The following ERC2 variants were observed in gnomAD, a reference collection of about 807,000 sequenced individuals.
ERC2 encodes ERC protein 2.
ERC2 carries 42 observed loss-of-function variants against 114.8 expected under a neutral mutation model. That is an observed-to-expected ratio of 0.37 (90% CI 0.29 to 0.47). The LOEUF (loss-of-function observed/expected upper bound fraction) is 0.47. Among genes scored for constraint, ERC2 ranks in the 20% least tolerant of loss-of-function variants. The pLI is 0.99. For missense variants in ERC2, 939 were observed against 1,150.7 expected (o/e 0.82, Z 2.66); for synonymous variants, 454 against 425.5 (o/e 1.07, Z -0.82).
At chr3:56,033,050 A>AAAAAGAAAC (rs1553782373) in intron 7 of ERC2, among the ~76,000 whole-genome samples, 20 of 106,974 alleles carry the variant, frequency 1.9e-4, no homozygotes, top group African/African-American at 5.8e-4. Flanking sequence ...GAAAGAAAGA[A>AAAAAGAAAC]AGAAAGAAAG....
chr3:56,224,871 G>T (rs1455196267), intron 3 of ERC2, among the ~76,000 whole-genome samples: 1 of 152,122 alleles, frequency 6.6e-6, no homozygotes, highest in African/African-American at 2.4e-5. Context: ...CATGCTAAGG[G>T]ATTTACATGA....
intron 7 of ERC2, among the ~76,000 whole-genome samples, chr3:56,058,889 A>G (rs1464473178): frequency 6.6e-6 from 1 of 151,870 alleles, no homozygotes; most frequent in African/African-American, 2.4e-5. Context: ...CACACATCCT[A>G]TTGGTTCTGT....
intron 12 of ERC2, among the ~76,000 whole-genome samples, chr3:55,978,784 G>A (rs1458065): frequency 0.89 from 135,413 of 152,302 alleles, 60,295 homozygotes; most frequent in East Asian, 1. Flanking sequence ...AGTCTATTTA[G>A]TTTTCTACAC....
intron 2 of ERC2, among the ~76,000 whole-genome samples, chr3:56,419,586 C>G (rs1286926930): frequency 1.3e-5 from 2 of 152,216 alleles, no homozygotes; most frequent in Non-Finnish European, 2.9e-5. Context: ...CACATGCCCC[C>G]TATTTCTCAG....
chr3:55,527,561 T>C (rs1045273525), intron 17 of ERC2, among the ~76,000 whole-genome samples: 1 of 152,156 alleles, frequency 6.6e-6, no homozygotes, highest in Non-Finnish European at 1.5e-5. Flanking sequence ...AGGGTTGTCA[T>C]CTCCACTTCT....
rs34468467 is a variant in ERC2, at chr3:55,883,539, TACACACAC to T, written c.2564+4842_2564+4849del. ...TAATAAAAGTGGATATAATTAAACA[TACACACAC>T]ACACACACACACACACACACACAAG... On this transcript the variant is annotated intron_variant, in intron 14 of 17. Coordinates refer to ENST00000288221, the MANE Select transcript of ERC2 (RefSeq NM_015576.3). 7.2e-4 allele frequency among the ~76,000 whole-genome samples: 104 copies of T among 143,968 alleles called. 1 individual carries two copies. Among genetic ancestry groups the T allele is most frequent in the African/African-American group, 2.1e-3 (84 of 39,486 alleles). 94.4% of individuals were successfully genotyped at this position (143,968 alleles called of 152,430 possible).
At chr3:55,902,761 G>A (rs1168380235) in intron 13 of ERC2, among the ~76,000 whole-genome samples, 1 of 152,162 alleles carries the variant, frequency 6.6e-6, no homozygotes, top group East Asian at 1.9e-4. Flanking sequence ...GTGGGGTTTT[G>A]ACACTGGGCT....
intron 17 of ERC2, among the ~76,000 whole-genome samples, chr3:55,528,888 G>A (rs2053500930): frequency 6.6e-6 from 1 of 152,174 alleles, no homozygotes; most frequent in South Asian, 2.1e-4. Context: ...CTGGGGGTGG[G>A]GAGGGATATG....
chr3:55,897,606 T>G (rs1017983641), intron 13 of ERC2, among the ~76,000 whole-genome samples: 2 of 152,092 alleles, frequency 1.3e-5, no homozygotes, highest in African/African-American at 2.4e-5. Flanking sequence ...CCAGCACAAC[T>G]CTGGACACAG....
intron 2 of ERC2, among the ~76,000 whole-genome samples, chr3:56,298,197 G>A (rs1411074064): frequency 6.6e-6 from 1 of 152,014 alleles, no homozygotes; most frequent in Admixed American, 6.6e-5. Context: ...CTTTCCCCAG[G>A]CCCTGGTAAC....
chr3:56,083,486 A>G (rs1175960591), intron 6 of ERC2, among the ~76,000 whole-genome samples: 3 of 152,204 alleles, frequency 2.0e-5, no homozygotes, highest in Non-Finnish European at 4.4e-5. Context: ...TACCTGGTGT[A>G]CAAAATTGTC....
chr3:56,407,664 C>T (rs1055804001), intron 2 of ERC2, among the ~76,000 whole-genome samples: 1 of 152,120 alleles, frequency 6.6e-6, no homozygotes, highest in East Asian at 1.9e-4. Flanking sequence ...TTCTAACAAG[C>T]CAAGAGCAGT....
intron 2 of ERC2, among the ~76,000 whole-genome samples, chr3:56,357,891 T>G (rs2058804955): frequency 6.6e-6 from 1 of 151,276 alleles, no homozygotes; most frequent in African/African-American, 2.4e-5. Flanking sequence ...ACTCCAGGTG[T>G]GCCTGAATCT....
chr3:56,046,225 A>C (rs2075449614), intron 7 of ERC2, among the ~76,000 whole-genome samples: 1 of 152,152 alleles, frequency 6.6e-6, no homozygotes, highest in African/African-American at 2.4e-5. Context: ...TTTCAAGAAA[A>C]ATTGACAATG....
intron 17 of ERC2, among the ~76,000 whole-genome samples, chr3:55,563,579 G>C (rs1162859203): frequency 6.6e-6 from 1 of 152,140 alleles, no homozygotes; most frequent in Non-Finnish European, 1.5e-5. Context: ...AGAACACTGA[G>C]AGAGAGAGAC....
intron 6 of ERC2, among the ~76,000 whole-genome samples, chr3:56,132,420 C>T (rs1482398013): frequency 6.6e-6 from 1 of 152,192 alleles, no homozygotes; most frequent in African/African-American, 2.4e-5. Context: ...GACTCAGAGA[C>T]AGAAAAATGC....
At chr3:56,061,408 G>T (rs551715180) in intron 7 of ERC2, among the ~76,000 whole-genome samples, 9 of 152,186 alleles carry the variant, frequency 5.9e-5, no homozygotes, top group Non-Finnish European at 1.3e-4. Context: ...TCTGCATGCT[G>T]ACACTGCAAT....
chr3:55,854,475 G>T (rs1462333833), intron 14 of ERC2, among the ~76,000 whole-genome samples: 2 of 152,190 alleles, frequency 1.3e-5, no homozygotes, highest in Non-Finnish European at 2.9e-5. Context: ...TTCATTTGTG[G>T]CTGAGAGCAC....
At chr3:55,934,729 A>T (rs1462246542) in intron 13 of ERC2, among the ~76,000 whole-genome samples, 1 of 152,256 alleles carries the variant, frequency 6.6e-6, no homozygotes, top group Non-Finnish European at 1.5e-5. Flanking sequence ...TTAGGCCTTT[A>T]AGGAATCAAC....
Sources: gnomAD v4.1 joint callset for allele counts (sites outside exome capture counted in the v4.1 genomes callset) on GRCh38, gnomAD v4.1.1 for gene constraint, MANE v1.5 for transcripts, NCBI Gene and HGNC (gene_info 2026-07-23, HGNC 2026-07-21) for gene names.